MEIG1: variants seen among roughly 807,000 people sequenced by gnomAD.
The protein encoded by MEIG1 is meiosis expressed gene 1 protein homolog.
MEIG1 carries 12 observed loss-of-function variants against 11.3 expected under a neutral mutation model. The observed-to-expected ratio is 1.07, with a 90% CI of 0.68 to 1.73. The LOEUF (loss-of-function observed/expected upper bound fraction) is 1.73, where lower values mean the gene tolerates loss of function less well. MEIG1 is among the 40% of genes most tolerant of loss of function. The pLI is 0.00. For synonymous variants in MEIG1, 41 were observed against 33.2 expected, an observed-to-expected ratio of 1.24 and a Z score of -0.81; for missense variants, 119 against 104.9, an observed-to-expected ratio of 1.13 and a Z score of -0.59.
downstream of MEIG1, among the ~76,000 whole-genome samples, chr10:14,977,226 C>T (rs1425851681): frequency 6.6e-6 from 1 of 151,926 alleles, no homozygotes; most frequent in Non-Finnish European, 1.5e-5. Context: ...TGACACTATT[C>T]GTAATATTCT....
chr10:14,961,204 A>G (rs1176706987), intron 1 of MEIG1, among the ~76,000 whole-genome samples: 11 of 152,166 alleles, frequency 7.2e-5, no homozygotes, highest in Admixed American at 6.5e-4. Flanking sequence ...CACAAAGCCT[A>G]TTTTATAATA....
upstream of MEIG1, among the ~76,000 whole-genome samples, chr10:14,955,800 T>C (rs1842934078): frequency 6.6e-6 from 1 of 152,180 alleles, no homozygotes; most frequent in Admixed American, 6.5e-5. Context: ...CCATGAAATC[T>C]TGAGGAGGGG....
intron 1 of MEIG1, among the ~76,000 whole-genome samples, chr10:14,984,301 A>C (rs1208970214): frequency 2.6e-5 from 4 of 151,966 alleles, no homozygotes; most frequent in Admixed American, 6.6e-5. Flanking sequence ...GATTTCGTCT[A>C]CTACCACCCT....
At chr10:14,985,836 T>G (rs1843313127) in intron 1 of MEIG1, among the ~76,000 whole-genome samples, 1 of 152,042 alleles carries the variant, frequency 6.6e-6, no homozygotes, top group African/African-American at 2.4e-5. Context: ...ACACACATAG[T>G]GTATACCCTG....
At chr10:14,960,936 G>A (rs1843005403) in intron 1 of MEIG1, among the ~76,000 whole-genome samples, 1 of 152,152 alleles carries the variant, frequency 6.6e-6, no homozygotes. Flanking sequence ...GGCTGAGGCA[G>A]GAGAATCGCT....
intron 1 of MEIG1, among the ~76,000 whole-genome samples, chr10:14,978,227 T>C (rs1843230852): frequency 1.3e-5 from 2 of 152,022 alleles, no homozygotes; most frequent in African/African-American, 4.8e-5. Flanking sequence ...CCCTTTGATG[T>C]TAGTCCTAAG....
At chr10:14,982,133 T>C (rs145371896) in intron 1 of MEIG1, among the ~76,000 whole-genome samples, 1 of 152,344 alleles carries the variant, frequency 6.6e-6, no homozygotes, top group African/African-American at 2.4e-5. Flanking sequence ...ATACATATGA[T>C]AGGCCTCACA....
chr10:14,974,203 C>T (rs1285318016), downstream of MEIG1, among the ~76,000 whole-genome samples: 1 of 152,064 alleles, frequency 6.6e-6, no homozygotes, highest in Non-Finnish European at 1.5e-5. Flanking sequence ...GTAACTGGGT[C>T]CTTCCATACT....
At chr10:14,963,090 A>C (rs924443098) in intron 1 of MEIG1, among the ~76,000 whole-genome samples, 7 of 146,894 alleles carry the variant, frequency 4.8e-5, no homozygotes, top group Admixed American at 1.4e-4. Flanking sequence ...TGAATTCACT[A>C]ACTTTTTTTT....
At chr10:14,984,199 G>A (rs1234170602) in intron 1 of MEIG1, among the ~76,000 whole-genome samples, 4 of 151,118 alleles carry the variant, frequency 2.6e-5, no homozygotes, top group African/African-American at 9.8e-5. Flanking sequence ...ATTACTCCCC[G>A]CATCGTGGGG....
chr10:14,958,409 G>A (rs1382296956), upstream of MEIG1, among the ~76,000 whole-genome samples: 2 of 152,066 alleles, frequency 1.3e-5, no homozygotes, highest in Non-Finnish European at 2.9e-5. Flanking sequence ...TTTTTGTTTT[G>A]TTTGGGGCAG....
At chr10:14,956,239 T>G (rs1258780594), upstream of MEIG1, among the ~76,000 whole-genome samples, 4 of 151,994 alleles carry the variant, frequency 2.6e-5, no homozygotes, top group Non-Finnish European at 5.9e-5. Flanking sequence ...ACCTTCTAGG[T>G]GATTCTGATG....
At chr10:14,977,451 T>C (rs1364093225), downstream of MEIG1, among the ~76,000 whole-genome samples, 4 of 151,998 alleles carry the variant, frequency 2.6e-5, no homozygotes, top group Non-Finnish European at 5.9e-5. Flanking sequence ...GTTACAGGGA[T>C]GTACACCGTG....
intron 1 of MEIG1, among the ~76,000 whole-genome samples, chr10:14,982,129 A>G (rs1378217550): frequency 6.6e-6 from 1 of 152,186 alleles, no homozygotes; most frequent in Non-Finnish European, 1.5e-5. Context: ...GAGTATACAT[A>G]TGATAGGCCT....
chr10:14,983,443 C>G (rs192832170), intron 1 of MEIG1, among the ~76,000 whole-genome samples: 2 of 152,068 alleles, frequency 1.3e-5, no homozygotes, highest in Admixed American at 6.6e-5. Context: ...GACGATATGA[C>G]TCCCCATACA....
intron 1 of MEIG1, among the ~76,000 whole-genome samples, chr10:14,983,187 C>T (rs969888001): frequency 1.3e-5 from 2 of 152,046 alleles, no homozygotes; most frequent in African/African-American, 2.4e-5. Context: ...ATCCGAATAT[C>T]ATCTCCAGGG....
chr10:14,973,424 G>C (rs888906212), downstream of MEIG1, among the ~76,000 whole-genome samples: 1 of 152,008 alleles, frequency 6.6e-6, no homozygotes, highest in Non-Finnish European at 1.5e-5. Flanking sequence ...AAGGAATAAT[G>C]CCCCCCATGG....
intron 1 of MEIG1, among the ~76,000 whole-genome samples, chr10:14,983,815 G>A (rs369387285): frequency 9.9e-5 from 15 of 152,066 alleles, no homozygotes; most frequent in Middle Eastern, 3.4e-3. Context: ...GGGAGAGGTT[G>A]ACCCTCCTCC....
At chr10:14,954,409 G>A (rs1842877986), upstream of MEIG1, 2 of 326,546 alleles carry the variant, frequency 6.1e-6, no homozygotes, top group South Asian at 5.6e-5. Context: ...GCGGAACTGC[G>A]CTTAGAAATC....
Sources: allele counts gnomAD v4.1 joint callset (sites outside exome capture counted in the v4.1 genomes callset), GRCh38; gene constraint gnomAD v4.1.1; transcripts MANE v1.5; gene names NCBI Gene and HGNC (gene_info 2026-07-23, HGNC 2026-07-21).